The following PRKCE variants were observed in gnomAD, a reference collection of about 807,000 sequenced individuals.
The protein encoded by PRKCE is protein kinase C epsilon type.
Under a neutral mutation model 85.4 loss-of-function variants are expected in PRKCE, and 16 were observed. The ratio of observed to expected loss-of-function variants is 0.19; its 90% CI spans 0.13 to 0.28. The LOEUF (loss-of-function observed/expected upper bound fraction) is 0.28, where lower values mean the gene tolerates loss of function less well. Ranked by LOEUF, PRKCE falls within the 10% of genes least tolerant of loss-of-function variation. PRKCE has a pLI of 1.00. For missense variants in PRKCE, 573 were observed against 975.2 expected, an observed-to-expected ratio of 0.59 and a Z score of 5.49; for synonymous variants, 388 against 371.5, an observed-to-expected ratio of 1.04 and a Z score of -0.51.
intron 10 of PRKCE, among the ~76,000 whole-genome samples, chr2:46,016,319 G>C (rs1183620228): frequency 6.6e-6 from 1 of 152,190 alleles, no homozygotes; most frequent in African/African-American, 2.4e-5. Context: ...GGGTGTATGT[G>C]TGTGGTGGCG....
chr2:45,830,052 G>A (rs995512046), intron 1 of PRKCE, among the ~76,000 whole-genome samples: 55 of 127,868 alleles, frequency 4.3e-4, no homozygotes, highest in African/African-American at 1.4e-3. Context: ...CAGCCTGGGC[G>A]ACAGAGCGAG....
chr2:45,959,235 T>C (rs552877608), intron 2 of PRKCE, among the ~76,000 whole-genome samples: 1 of 152,322 alleles, frequency 6.6e-6, no homozygotes, highest in Non-Finnish European at 1.5e-5. Flanking sequence ...GAATTATTTG[T>C]GCCAGACTGC....
intron 10 of PRKCE, among the ~76,000 whole-genome samples, chr2:46,034,905 C>T (rs1558986252): frequency 1.3e-5 from 2 of 152,346 alleles, no homozygotes; most frequent in East Asian, 3.9e-4. Context: ...AGACTGCTAG[C>T]TTGTTGGCAT....
At chr2:46,088,671 A>G (rs1397700104) in intron 11 of PRKCE, among the ~76,000 whole-genome samples, 1 of 152,196 alleles carries the variant, frequency 6.6e-6, no homozygotes, top group Non-Finnish European at 1.5e-5. Flanking sequence ...AGCAATTTAC[A>G]AGCTACTTAG....
intron 2 of PRKCE, among the ~76,000 whole-genome samples, chr2:45,963,369 C>G (rs774943882): frequency 5.3e-5 from 8 of 152,038 alleles, no homozygotes; most frequent in Non-Finnish European, 1.0e-4. Context: ...AGTGTGGTGG[C>G]GTGATCTCGG....
intron 2 of PRKCE, among the ~76,000 whole-genome samples, chr2:45,910,045 C>CG (rs919284661): frequency 8.6e-5 from 13 of 150,682 alleles, no homozygotes; most frequent in Non-Finnish European, 1.5e-4. Flanking sequence ...AACTCACCGC[C>CG]CCCCCCCAGC....
At chr2:46,017,377 A>G (rs1706256988) in intron 10 of PRKCE, among the ~76,000 whole-genome samples, 1 of 152,214 alleles carries the variant, frequency 6.6e-6, no homozygotes, top group Non-Finnish European at 1.5e-5. Context: ...GATGTAACGT[A>G]TGTCATAATT....
At chr2:45,967,387 G>A (rs932224733) in intron 2 of PRKCE, among the ~76,000 whole-genome samples, 7 of 152,166 alleles carry the variant, frequency 4.6e-5, no homozygotes, top group African/African-American at 1.7e-4. Flanking sequence ...ATCCTGGAGT[G>A]TCCCCTGGGG....
chr2:46,033,999 T>C (rs578158582), intron 10 of PRKCE, among the ~76,000 whole-genome samples: 63 of 152,332 alleles, frequency 4.1e-4, no homozygotes, highest in African/African-American at 1.4e-3. Context: ...GGCTTTCTAA[T>C]GTACCTAAAA....
intron 14 of PRKCE, among the ~76,000 whole-genome samples, chr2:46,180,549 C>T (rs1027919047): frequency 3.9e-5 from 6 of 152,204 alleles, no homozygotes; most frequent in African/African-American, 1.4e-4. Context: ...TAAGACTCAG[C>T]CCCTAACTTC....
At chr2:45,944,682 T>G (rs1031833356) in intron 2 of PRKCE, among the ~76,000 whole-genome samples, 2 of 130,236 alleles carry the variant, frequency 1.5e-5, no homozygotes, top group Non-Finnish European at 3.3e-5. Flanking sequence ...TTTTTTTTTT[T>G]GTAGAGACAG....
chr2:45,728,348 G>A (rs889431603), intron 1 of PRKCE, among the ~76,000 whole-genome samples: 6 of 152,044 alleles, frequency 3.9e-5, no homozygotes, highest in African/African-American at 1.4e-4. Flanking sequence ...TACCTAGAAG[G>A]CCAGAAACAT....
chr2:45,879,542 A>G (rs1694728342), intron 2 of PRKCE, among the ~76,000 whole-genome samples: 1 of 152,236 alleles, frequency 6.6e-6, no homozygotes, highest in African/African-American at 2.4e-5. Context: ...ACTGCCTGTA[A>G]CACATGACCT....
Position 45,688,272 on chromosome 2 carries a change from G to C in PRKCE, c.348+35824G>C, listed in dbSNP as rs1677455870. On this transcript the variant is annotated intron_variant, in intron 1 of 14. Transcript: ENST00000306156. ...ATGGCTGGGCAGGTAAATTTTTTTA[G>C]TATTAAAAAAATTAAGAATTCCCTA... is the stretch of plus-strand genomic sequence containing the variant. Among the ~76,000 whole-genome samples, 2 of 151,928 alleles carry C rather than the reference G, an allele frequency of 1.3e-5. 1 individual carries two copies. Among genetic ancestry groups the C allele is most frequent in the South Asian group, 4.2e-4 (2 of 4,808 alleles).
chr2:45,753,790 A>G (rs894239942), intron 1 of PRKCE, among the ~76,000 whole-genome samples: 1 of 152,210 alleles, frequency 6.6e-6, no homozygotes, highest in Non-Finnish European at 1.5e-5. Flanking sequence ...GAAATATTCT[A>G]AAGCCAATCC....
intron 1 of PRKCE, among the ~76,000 whole-genome samples, chr2:45,810,671 C>A (rs988702932): frequency 6.6e-6 from 1 of 152,176 alleles, no homozygotes; most frequent in African/African-American, 2.4e-5. Context: ...GCAGCCTCCA[C>A]TTCCCAGGCT....
At chr2:46,062,427 C>A (rs1287774840) in intron 10 of PRKCE, among the ~76,000 whole-genome samples, 3 of 152,090 alleles carry the variant, frequency 2.0e-5, no homozygotes, top group African/African-American at 7.2e-5. Context: ...CTTAGGAAGC[C>A]ATGAGAAGCC....
intron 1 of PRKCE, among the ~76,000 whole-genome samples, chr2:45,842,262 C>T (rs1030770444): frequency 3.9e-5 from 6 of 152,164 alleles, no homozygotes; most frequent in South Asian, 2.1e-4. Flanking sequence ...CTGTTTCTTA[C>T]GCCTTGCATA....
intron 11 of PRKCE, among the ~76,000 whole-genome samples, chr2:46,087,840 T>A (rs1042439806): frequency 1.3e-5 from 2 of 152,188 alleles, no homozygotes; most frequent in Admixed American, 6.5e-5. Context: ...TGGGTAGAAT[T>A]TTTTTCCTTG....
Sources: allele counts gnomAD v4.1 joint callset (sites outside exome capture counted in the v4.1 genomes callset), GRCh38; gene constraint gnomAD v4.1.1; transcripts MANE v1.5; gene names NCBI Gene and HGNC (gene_info 2026-07-23, HGNC 2026-07-21).